Variants in ADAMTSL1 observed in about 807,000 individuals in gnomAD.
The protein encoded by ADAMTSL1 is ADAMTS-like protein 1.
Under a neutral mutation model 201.8 loss-of-function variants are expected in ADAMTSL1, and 126 were observed. The ratio of observed to expected loss-of-function variants is 0.62; its 90% CI spans 0.54 to 0.72. The LOEUF is 0.72. Among genes scored for constraint, ADAMTSL1 ranks in the 30% least tolerant of loss-of-function variants. The pLI is 0.00. For missense variants in ADAMTSL1, 2,679 were observed against 2,277.8 expected (o/e 1.18, Z -3.59); for synonymous variants, 1,121 against 903.4 (o/e 1.24, Z -4.32).
intron 2 of ADAMTSL1, among the ~76,000 whole-genome samples, chr9:18,437,823 C>T (rs1371911734): frequency 6.6e-6 from 1 of 152,186 alleles, no homozygotes; most frequent in Admixed American, 6.5e-5. Flanking sequence ...AAGAACACAG[C>T]CCCTGCCTGC....
chr9:18,763,452 G>A (rs117689596), intron 16 of ADAMTSL1, among the ~76,000 whole-genome samples: 345 of 152,144 alleles, frequency 2.3e-3, no homozygotes, highest in Non-Finnish European at 3.1e-3. Context: ...GTGGGTTGTC[G>A]CTTCACTTTG....
intron 4 of ADAMTSL1, among the ~76,000 whole-genome samples, chr9:18,589,796 GA>G (rs1386753549): frequency 1.3e-5 from 2 of 152,040 alleles, no homozygotes; most frequent in African/African-American, 2.4e-5. Flanking sequence ...TGAATTTTAT[GA>G]AATGTCTTTT....
At chr9:18,006,094 A>G (rs1819810401) in intron 1 of ADAMTSL1, among the ~76,000 whole-genome samples, 1 of 151,946 alleles carries the variant, frequency 6.6e-6, no homozygotes, top group Non-Finnish European at 1.5e-5. Context: ...TCGGGAAAAA[A>G]AAAAGAAAGC....
chr9:18,226,242 G>A, intron 2 of ADAMTSL1, among the ~76,000 whole-genome samples: 1 of 152,050 alleles, frequency 6.6e-6, no homozygotes, highest in Non-Finnish European at 1.5e-5. Flanking sequence ...TTGTATTGCT[G>A]ATCTTGGAAA....
chr9:18,689,491 G>T (rs1831079621), intron 13 of ADAMTSL1, among the ~76,000 whole-genome samples: 1 of 152,044 alleles, frequency 6.6e-6, no homozygotes, highest in African/African-American at 2.4e-5. Context: ...GCCCTAGAAG[G>T]TGTAATTTGC....
intron 1 of ADAMTSL1, among the ~76,000 whole-genome samples, chr9:17,928,353 A>G (rs556172377): frequency 1.1e-4 from 17 of 152,238 alleles, no homozygotes; most frequent in East Asian, 5.8e-4. Flanking sequence ...CTAGTTTACT[A>G]TTTTGGGAGA....
chr9:17,956,549 A>G (rs1827939592), intron 1 of ADAMTSL1, among the ~76,000 whole-genome samples: 2 of 152,138 alleles, frequency 1.3e-5, no homozygotes, highest in Admixed American at 6.6e-5. Context: ...GGTGACTGTA[A>G]CTATTTCAGT....
At chr9:18,273,998 A>C (rs1017915478) in intron 2 of ADAMTSL1, among the ~76,000 whole-genome samples, 11 of 152,226 alleles carry the variant, frequency 7.2e-5, no homozygotes, top group African/African-American at 2.4e-4. Flanking sequence ...GTGTGCATAC[A>C]TACAAATCAT....
At chr9:18,557,260 A>G (rs1270958031) in intron 3 of ADAMTSL1, among the ~76,000 whole-genome samples, 1 of 152,012 alleles carries the variant, frequency 6.6e-6, no homozygotes, top group Non-Finnish European at 1.5e-5. Flanking sequence ...TTTACCACCC[A>G]GAGAGGAATC....
chr9:18,756,527 C>T (rs957664362), intron 16 of ADAMTSL1, among the ~76,000 whole-genome samples: 1 of 152,074 alleles, frequency 6.6e-6, no homozygotes, highest in African/African-American at 2.4e-5. Context: ...TAGAACTCAG[C>T]TTAGTTACGA....
Position 18,109,739 on chromosome 9 carries a change from T to C in ADAMTSL1, c.88-54123T>C, listed in dbSNP as rs1042954102. Among the ~76,000 whole-genome samples, 5 of 152,168 alleles carry C rather than the reference T, an allele frequency of 3.3e-5. No homozygotes were observed. In the East Asian group the frequency reaches 7.7e-4, roughly 23 times the overall value. ...CTAATTCTTCGGAACTTGAACCCAATGTCCCTTGAATTCTTAGCTGTCAGC... is the reference window on the plus strand; with the variant it reads ...CTAATTCTTCGGAACTTGAACCCAACGTCCCTTGAATTCTTAGCTGTCAGC... On this transcript the variant is annotated intron_variant, in intron 1 of 29. Coordinates refer to the ADAMTSL1 transcript ENST00000680146.
chr9:18,447,635 T>C (rs7038251), intron 2 of ADAMTSL1, among the ~76,000 whole-genome samples: 2,775 of 152,276 alleles, frequency 0.018, 80 homozygotes, highest in African/African-American at 0.063. Context: ...TATAAGTGTG[T>C]GTTTGGAGGC....
At position 18,034,601 on chromosome 9, in the gene ADAMTSL1, C is replaced by G. The variant is rs573087100; in HGVS notation, c.87+127679C>G. 9.9e-5 allele frequency among the ~76,000 whole-genome samples: 15 copies of G among 152,142 alleles called. No homozygotes were observed. In the South Asian group the frequency reaches 2.9e-3, roughly 30 times the overall value. ...ACCATTCATTTAGTGAACTTAGCAC[C>G]AAACCTCAGTACCATCTGACAGTTT... On this transcript the variant is annotated intron_variant, in intron 1 of 29. Transcript: ENST00000680146.
intron 2 of ADAMTSL1, among the ~76,000 whole-genome samples, chr9:18,283,692 C>T: frequency 6.8e-6 from 1 of 146,204 alleles, no homozygotes; most frequent in Non-Finnish European, 1.5e-5. Flanking sequence ...GCAGGCAGAT[C>T]ACGAGGTCAG....
At position 18,705,862 on chromosome 9, in the gene ADAMTSL1, A is replaced by C. The variant is rs977841607; in HGVS notation, c.1575-885A>C. Among the ~76,000 whole-genome samples, 24 of 152,362 alleles carry C rather than the reference A, an allele frequency of 1.6e-4. 1 individual carries two copies. The highest frequency in any genetic ancestry group is 1.3e-3 in the Admixed American group (20 of 15,308). On this transcript the variant is annotated intron_variant, in intron 13 of 28. Transcript: ENST00000380548. Reference sequence around the variant, plus strand: ...ATTTTGTTATCAGTATCAGTCTGCTATAAGAATAGCCAGCAACTTGCAGGA... The same window carrying C: ...ATTTTGTTATCAGTATCAGTCTGCTCTAAGAATAGCCAGCAACTTGCAGGA...
chr9:18,798,405 T>C lies in ADAMTSL1; in HGVS notation c.3805+2881T>C, dbSNP rs937798076. ...CAGCACCTGACTCAGAAAGTTCTCA[T>C]GGAGATTAAATGCAATCATTCATAA... is the stretch of plus-strand genomic sequence containing the variant. On this transcript the variant is annotated intron_variant, in intron 20 of 28. Coordinates refer to ENST00000380548, the MANE Select transcript of ADAMTSL1 (RefSeq NM_001040272.6). Among the ~76,000 whole-genome samples the C allele has an allele frequency of 3.3e-5, 5 of 152,194 alleles. No individual in the cohort carries two copies. In the South Asian group the frequency reaches 6.2e-4, roughly 19 times the overall value.
intron 1 of ADAMTSL1, among the ~76,000 whole-genome samples, chr9:18,109,431 G>A (rs1245130860): frequency 6.6e-6 from 1 of 152,042 alleles, no homozygotes; most frequent in Non-Finnish European, 1.5e-5. Context: ...GCCAGTCTGG[G>A]ACATTCTGAA....
chr9:18,251,032 A>C (rs796240299), intron 2 of ADAMTSL1, among the ~76,000 whole-genome samples: 17 of 152,306 alleles, frequency 1.1e-4, no homozygotes, highest in African/African-American at 4.1e-4. Flanking sequence ...AATGTTAACA[A>C]AAAACAGAAA....
At chr9:18,204,420 A>G (rs771177350) in intron 2 of ADAMTSL1, among the ~76,000 whole-genome samples, 6 of 148,684 alleles carry the variant, frequency 4.0e-5, no homozygotes, top group Non-Finnish European at 7.4e-5. Context: ...AAGTTTCTTG[A>G]GGCCTCTCCA....
Sources: allele counts gnomAD v4.1 joint callset (sites outside exome capture counted in the v4.1 genomes callset), GRCh38; gene constraint gnomAD v4.1.1; transcripts MANE v1.5; gene names NCBI Gene and HGNC (gene_info 2026-07-23, HGNC 2026-07-21).